Variants in DYNC2H1 observed in about 807,000 individuals in gnomAD.
DYNC2H1 encodes dynein cytoplasmic 2 heavy chain 1.
In DYNC2H1, 410 loss-of-function variants were observed where a neutral mutation model predicts 570.0. The observed-to-expected ratio is 0.72, with a 90% confidence interval of 0.66 to 0.78. The LOEUF is 0.78. Among genes scored for constraint, DYNC2H1 ranks in the 30% least tolerant of loss-of-function variants. The probability of loss-of-function intolerance (pLI) is 0.00; values close to 1 mark genes in which losing one functional copy is unlikely to be tolerated. For missense variants in DYNC2H1, 4,865 were observed against 5,046.4 expected (o/e 0.96, Z 1.09); for synonymous variants, 1,688 against 1,677.6 (o/e 1.01, Z -0.15).
intron 83 of DYNC2H1, among the ~76,000 whole-genome samples, chr11:103,366,486 CATT>C (rs1189256471): frequency 9.2e-5 from 14 of 151,982 alleles, no homozygotes; most frequent in Non-Finnish European, 1.6e-4. Context: ...TATAGTTTAT[CATT>C]ATTTTTTATA....
chr11:103,438,772 T>G (rs76831545), intron 85 of DYNC2H1, among the ~76,000 whole-genome samples: 3,987 of 152,232 alleles, frequency 0.026, 118 homozygotes, highest in African/African-American at 0.065. Flanking sequence ...GTACTGGAGA[T>G]ATCAGGATTA....
intron 82 of DYNC2H1, among the ~76,000 whole-genome samples, chr11:103,342,473 A>C (rs1023936613): frequency 6.7e-6 from 1 of 150,214 alleles, no homozygotes; most frequent in Non-Finnish European, 1.5e-5. Context: ...TTCGCAATAA[A>C]TCTTGCTGCA....
intron 83 of DYNC2H1, among the ~76,000 whole-genome samples, chr11:103,392,155 G>T (rs921474921): frequency 3.9e-5 from 6 of 152,188 alleles, no homozygotes; most frequent in African/African-American, 1.4e-4. Flanking sequence ...CACCCAGTTC[G>T]AGCTTCCCGG....
At position 103,203,527 on chromosome 11, in the gene DYNC2H1, T is replaced by C. The variant is rs1252331019; in HGVS notation, c.8198-136T>C. On this transcript the variant is annotated intron_variant, in intron 50 of 88. Coordinates refer to ENST00000375735, the MANE Select transcript of DYNC2H1 (RefSeq NM_001377.3). This position sits in a 1 kb window ranked among gnomAD's most constrained non-coding sequence, Gnocchi z 4.7. ...TCAAATGAGGGCTATAGATAAAGATTTGTGAGTCAAGTAGAGGTAATAAAG... is the reference window on the plus strand; with the variant it reads ...TCAAATGAGGGCTATAGATAAAGATCTGTGAGTCAAGTAGAGGTAATAAAG... 1 of 588,988 alleles carries C rather than the reference T, an allele frequency of 1.7e-6. No individual in the cohort carries two copies. The highest frequency in any genetic ancestry group is 2.9e-6 in the Non-Finnish European group (1 of 345,726). 36.5% of individuals were successfully genotyped at this position (588,988 alleles called of 1,614,324 possible).
chr11:103,181,613 C>T lies in DYNC2H1; in HGVS notation c.6348-144C>T. On this transcript the variant is annotated intron_variant, in intron 39 of 88. Transcript: ENST00000375735. This position sits in a 1 kb window ranked among gnomAD's most constrained non-coding sequence, Gnocchi z 5.0. ...TGTAATTGTATTATTCACACATACT[C>T]ATAGTAAAGTAACTAAAGCCACCTT... is the stretch of plus-strand genomic sequence containing the variant. The T allele has an allele frequency of 1.4e-6, 1 of 725,846 alleles. No homozygotes were observed. Among genetic ancestry groups the T allele is most frequent in the Non-Finnish European group, 2.2e-6 (1 of 452,468 alleles). The allele number at this position is 725,846 out of a possible 1,614,324, so 45.0% of individuals were successfully genotyped here.
intron 46 of DYNC2H1, 114 bp downstream of exon 46, chr11:103,191,733 A>G (rs1035384843): frequency 2.0e-5 from 9 of 446,422 alleles, no homozygotes; most frequent in Non-Finnish European, 2.9e-5. Flanking sequence ...TTATATTATT[A>G]AATAGAAATA....
At chr11:103,161,509 A>G (rs1474629941) in intron 29 of DYNC2H1, among the ~76,000 whole-genome samples, 1 of 152,150 alleles carries the variant, frequency 6.6e-6, no homozygotes, top group Non-Finnish European at 1.5e-5. Context: ...AAATGCTCCA[A>G]TAAGTGTTTC....
Position 103,358,271 on chromosome 11 carries a change from G to A in DYNC2H1, c.12068G>A (p.Arg4023Lys), listed in dbSNP as rs771264933. The A allele has an allele frequency of 6.3e-5, 100 of 1,587,568 alleles. No individual in the cohort carries two copies. The highest frequency in any genetic ancestry group is 5.0e-4 in the African/African-American group (37 of 74,482). The change falls in exon 83 of 89, where the codon AGA (arginine) becomes AAA (lysine). Residue 4023 changes from arginine (R) to lysine (K), a missense_variant. Arg to Lys is a conservative substitution (Grantham distance 26, BLOSUM62 2). Around this residue, in one of 5 missense-constraint regions of DYNC2H1, gnomAD observed 2,401 missense variants for 2,454.6 expected, o/e 0.98. Transcript: ENST00000375735. ...ATTTCACAGTTGAGGATTTTGGGCA[G>A]ATCCATAACAGCTGGTTCCAAATTT... The part of the protein sequence containing the change: ...QVISQLRILG[R>K]SITAGSKFDR...
intron 83 of DYNC2H1, among the ~76,000 whole-genome samples, chr11:103,368,811 C>A (rs1941023914): frequency 6.6e-6 from 1 of 152,042 alleles, no homozygotes; most frequent in African/African-American, 2.4e-5. Context: ...TCTAATTTTT[C>A]TAGCACCATT....
chr11:103,154,168 C>T (rs950110365), intron 22 of DYNC2H1, among the ~76,000 whole-genome samples: 1 of 151,696 alleles, frequency 6.6e-6, no homozygotes, highest in African/African-American at 2.4e-5. Flanking sequence ...ACATATAAAT[C>T]TCTCTATATT....
intron 74 of DYNC2H1, among the ~76,000 whole-genome samples, chr11:103,287,053 G>T (rs1006179092): frequency 6.6e-6 from 1 of 152,180 alleles, no homozygotes; most frequent in African/African-American, 2.4e-5. Context: ...TGAGGTGGAA[G>T]GATCACATGA....
intron 1 of DYNC2H1, among the ~76,000 whole-genome samples, chr11:103,112,149 G>T (rs191592149): frequency 6.6e-6 from 1 of 152,144 alleles, no homozygotes; most frequent in Non-Finnish European, 1.5e-5. Context: ...GCATAACCTG[G>T]GGGAAGAGTG....
At position 103,145,325 on chromosome 11, in the gene DYNC2H1, T is replaced by C. The variant is rs1285644262; in HGVS notation, c.2702+1930T>C. 6.6e-6 allele frequency among the ~76,000 whole-genome samples: 1 copy of C among 152,230 alleles called. No individual in the cohort carries two copies. The highest frequency in any genetic ancestry group is 1.5e-5 in the Non-Finnish European group (1 of 68,038). On this transcript the variant is annotated intron_variant, in intron 18 of 88. Coordinates refer to ENST00000375735, the MANE Select transcript of DYNC2H1 (RefSeq NM_001377.3). This position sits in a 1 kb window ranked among gnomAD's most constrained non-coding sequence, Gnocchi z 4.2. ...CTTGAGGGTTTGAGCGTGGGTGATT[T>C]GGATACTGGTAGGACCATTAATATT...
intron 59 of DYNC2H1, among the ~76,000 whole-genome samples, chr11:103,227,925 C>T (rs984547999): frequency 5.9e-5 from 9 of 152,166 alleles, no homozygotes; most frequent in East Asian, 3.9e-4. Context: ...GTCCTTTTAT[C>T]GTTATATAAT....
At chr11:103,211,975 C>A in intron 54 of DYNC2H1, 32 bp downstream of exon 54, 3 of 1,484,040 alleles carry the variant, frequency 2.0e-6, no homozygotes, top group Non-Finnish European at 2.7e-6. Context: ...ATTATTTTAT[C>A]TATATATAGG....
At chr11:103,380,015 C>T (rs1049709086) in intron 83 of DYNC2H1, among the ~76,000 whole-genome samples, 3 of 152,020 alleles carry the variant, frequency 2.0e-5, no homozygotes, top group African/African-American at 7.2e-5. Context: ...GAACTTAAGA[C>T]CAAATTTTAG....
At chr11:103,457,715 T>G (rs949604676) in intron 87 of DYNC2H1, among the ~76,000 whole-genome samples, 1 of 152,174 alleles carries the variant, frequency 6.6e-6, no homozygotes, top group African/African-American at 2.4e-5. Flanking sequence ...GTTCAAGTGA[T>G]CCTTCTGCCT....
At chr11:103,421,910 G>GT (rs33961802) in intron 84 of DYNC2H1, among the ~76,000 whole-genome samples, 158 of 49,034 alleles carry the variant, frequency 3.2e-3, no homozygotes, top group East Asian at 0.019. Context: ...CCAAGAACTG[G>GT]TTTTTTTTTT....
At position 103,277,190 on chromosome 11, in the gene DYNC2H1, T is replaced by G. The variant is rs1865947607; in HGVS notation, c.10696-3158T>G. 1.3e-5 allele frequency among the ~76,000 whole-genome samples: 2 copies of G among 152,050 alleles called. No homozygotes were observed. Among genetic ancestry groups the G allele is most frequent in the African/African-American group, 4.8e-5 (2 of 41,428 alleles). ...ACCTTATATAACAGGTGTTAAAAATTTGGTTTTATTCTTCACAAATTTATT... is the reference window on the plus strand; with the variant it reads ...ACCTTATATAACAGGTGTTAAAAATGTGGTTTTATTCTTCACAAATTTATT... On this transcript the variant is annotated intron_variant, in intron 70 of 88. Coordinates refer to ENST00000375735, the MANE Select transcript of DYNC2H1 (RefSeq NM_001377.3). The surrounding 1 kb of genome is among the most constrained non-coding windows in gnomAD (Gnocchi z 4.3).
Sources: gnomAD v4.1 joint callset for allele counts (sites outside exome capture counted in the v4.1 genomes callset) on GRCh38, gnomAD v4.1.1 for gene constraint, gnomAD v4.1.1 regional missense constraint, Gnocchi (gnomAD v3.1) non-coding constraint, MANE v1.5 for transcripts, NCBI Gene and HGNC (gene_info 2026-07-23, HGNC 2026-07-21) for gene names.